Variants in DCLK1 observed in about 807,000 individuals in gnomAD.
DCLK1 encodes doublecortin like kinase 1, also known as serine/threonine-protein kinase DCLK1.
A neutral mutation model predicts 86.2 loss-of-function variants in DCLK1; 16 were observed. That is an observed-to-expected ratio of 0.19 (90% confidence interval 0.13 to 0.28). The LOEUF (loss-of-function observed/expected upper bound fraction) is 0.28, where lower values mean the gene tolerates loss of function less well. Among genes scored for constraint, DCLK1 ranks in the 10% least tolerant of loss-of-function variants. The pLI is 1.00. For synonymous variants in DCLK1, 369 were observed against 370.5 expected, an observed-to-expected ratio of 1.00 and a Z score of 0.05; for missense variants, 590 against 940.2, an observed-to-expected ratio of 0.63 and a Z score of 4.87.
intron 3 of DCLK1, among the ~76,000 whole-genome samples, chr13:36,094,047 T>C (rs952497360): frequency 6.6e-6 from 1 of 152,118 alleles, no homozygotes; most frequent in African/African-American, 2.4e-5. Flanking sequence ...CAGCCAAAAA[T>C]TTTTTTAATG....
chr13:35,826,326 C>A (rs1235938911), intron 10 of DCLK1, among the ~76,000 whole-genome samples: 1 of 150,348 alleles, frequency 6.7e-6, no homozygotes. Context: ...GAGTTCGAGA[C>A]CAGCCTGACC....
intron 3 of DCLK1, among the ~76,000 whole-genome samples, chr13:36,027,141 AC>A (rs1318780714): frequency 6.6e-6 from 1 of 152,206 alleles, no homozygotes; most frequent in African/African-American, 2.4e-5. Flanking sequence ...CCTTTTTGGA[AC>A]CGGGGACCAG....
At chr13:35,959,048 C>T (rs1878303483) in intron 3 of DCLK1, among the ~76,000 whole-genome samples, 2 of 152,154 alleles carry the variant, frequency 1.3e-5, no homozygotes, top group South Asian at 2.1e-4. Context: ...CAAGACATTA[C>T]GTTTTTACAA....
intron 3 of DCLK1, among the ~76,000 whole-genome samples, chr13:36,074,224 C>T (rs1217973971): frequency 6.6e-6 from 1 of 152,032 alleles, no homozygotes; most frequent in East Asian, 1.9e-4. Flanking sequence ...AGAAGACGGC[C>T]GGGCGTGGTG....
intron 3 of DCLK1, among the ~76,000 whole-genome samples, chr13:36,095,077 T>C (rs1884957191): frequency 6.6e-6 from 1 of 152,098 alleles, no homozygotes; most frequent in Non-Finnish European, 1.5e-5. Context: ...ACAGAAAATG[T>C]TTTGTCAAGA....
At chr13:35,809,518 C>G (rs544270068) in intron 12 of DCLK1, among the ~76,000 whole-genome samples, 2 of 152,168 alleles carry the variant, frequency 1.3e-5, no homozygotes, top group Non-Finnish European at 2.9e-5. Context: ...GTTTTCCTAG[C>G]AACTCTGTAG....
chr13:35,887,202 G>C (rs1019574938), intron 4 of DCLK1, among the ~76,000 whole-genome samples: 2 of 152,206 alleles, frequency 1.3e-5, no homozygotes, highest in African/African-American at 4.8e-5. Context: ...GGAAATTACA[G>C]GTGATCTAAG....
intron 3 of DCLK1, among the ~76,000 whole-genome samples, chr13:35,989,665 C>T (rs1006795153): frequency 1.3e-5 from 2 of 151,288 alleles, no homozygotes; most frequent in African/African-American, 4.9e-5. Context: ...GCCTTGGCCT[C>T]CTGAGTAGCT....
chr13:35,839,180 T>C lies in DCLK1; in HGVS notation c.1036-4A>G, dbSNP rs1469037491. On this transcript the variant is annotated splice_polypyrimidine_tract_variant and splice_region_variant and intron_variant, in intron 6 of 16. Transcript: ENST00000360631. ...AGGAGCCGCCATGCTGAGAGCTCTG[T>C]AGGGGAACAGAAACCGGTAATTCAA... 4.4e-6 allele frequency: 7 copies of C among 1,573,526 alleles called. No individual in the cohort carries two copies. The highest frequency in any genetic ancestry group is 1.9e-5 in the Admixed American group (1 of 53,094).
chr13:35,891,789 T>A (rs1873659698), intron 4 of DCLK1, among the ~76,000 whole-genome samples: 1 of 152,194 alleles, frequency 6.6e-6, no homozygotes, highest in Non-Finnish European at 1.5e-5. Flanking sequence ...TGGTTTTCAG[T>A]GGATTCATCG....
At chr13:36,084,367 C>A (rs1884525076) in intron 3 of DCLK1, among the ~76,000 whole-genome samples, 2 of 152,146 alleles carry the variant, frequency 1.3e-5, no homozygotes, top group East Asian at 1.9e-4. Flanking sequence ...GACTGACGTA[C>A]AATCACCGGG....
intron 2 of DCLK1, among the ~76,000 whole-genome samples, chr13:36,117,961 G>A (rs932698909): frequency 1.3e-5 from 2 of 152,114 alleles, no homozygotes; most frequent in African/African-American, 4.8e-5. Flanking sequence ...GGCCTTGGAA[G>A]CAAGGGTAAG....
chr13:36,061,855 T>C (rs1312466498), intron 3 of DCLK1, among the ~76,000 whole-genome samples: 1 of 152,192 alleles, frequency 6.6e-6, no homozygotes, highest in Non-Finnish European at 1.5e-5. Context: ...TGGCATTAAA[T>C]CACAGCATGG....
intron 15 of DCLK1, chr13:35,805,378 C>T (rs1380720258): frequency 4.2e-5 from 11 of 264,984 alleles, no homozygotes; most frequent in Non-Finnish European, 6.4e-5. Context: ...CTTACTACCA[C>T]CTCTGGTTTC....
At chr13:36,118,628 T>C (rs993767808) in intron 2 of DCLK1, among the ~76,000 whole-genome samples, 1 of 152,054 alleles carries the variant, frequency 6.6e-6, no homozygotes, top group Non-Finnish European at 1.5e-5. Context: ...AGAAAACAAG[T>C]TGGAGAAATG....
chr13:36,118,759 C>A (rs1240495167), intron 2 of DCLK1, among the ~76,000 whole-genome samples: 1 of 152,110 alleles, frequency 6.6e-6, no homozygotes. Flanking sequence ...AACAAAAGAC[C>A]ATCAACTGGA....
chr13:36,091,416 T>G (rs1158066033), intron 3 of DCLK1, among the ~76,000 whole-genome samples: 1 of 152,224 alleles, frequency 6.6e-6, no homozygotes, highest in Non-Finnish European at 1.5e-5. Flanking sequence ...TTCTGGGCTG[T>G]ACTCTGAGTG....
At chr13:36,103,727 T>C (rs1885300048) in intron 3 of DCLK1, among the ~76,000 whole-genome samples, 1 of 152,204 alleles carries the variant, frequency 6.6e-6, no homozygotes, top group African/African-American at 2.4e-5. Flanking sequence ...ATCAGGAAAA[T>C]CTGGTGCAAC....
chr13:36,013,256 T>A (rs1881365223), intron 3 of DCLK1, among the ~76,000 whole-genome samples: 1 of 152,108 alleles, frequency 6.6e-6, no homozygotes, highest in South Asian at 2.1e-4. Flanking sequence ...TCCAGCTTTG[T>A]TCCATTGCTG....
Sources: gnomAD v4.1 joint callset for allele counts (sites outside exome capture counted in the v4.1 genomes callset) on GRCh38, gnomAD v4.1.1 for gene constraint, MANE v1.5 for transcripts, NCBI Gene and HGNC (gene_info 2026-07-23, HGNC 2026-07-21) for gene names.